The following WDR37 variants were observed in gnomAD, a reference collection of about 807,000 sequenced individuals.
WDR37 encodes WD repeat-containing protein 37.
A neutral mutation model predicts 62.9 loss-of-function variants in WDR37; 19 were observed. The ratio of observed to expected loss-of-function variants is 0.30; its 90% confidence interval spans 0.21 to 0.44. WDR37 has a LOEUF of 0.44. Among genes scored for constraint, WDR37 ranks in the 20% least tolerant of loss-of-function variants. The pLI, the probability that WDR37 is intolerant of heterozygous loss-of-function variation, is 1.00. For synonymous variants in WDR37, 250 were observed against 260.9 expected, an observed-to-expected ratio of 0.96 and a Z score of 0.40; for missense variants, 474 against 657.6, an observed-to-expected ratio of 0.72 and a Z score of 3.05.
intron 1 of WDR37, among the ~76,000 whole-genome samples, chr10:1,067,469 T>C (rs759179609): frequency 6.6e-6 from 1 of 152,190 alleles, no homozygotes; most frequent in Non-Finnish European, 1.5e-5. Flanking sequence ...TGAAAAACTC[T>C]TAGAATGAAG....
chr10:1,079,337 G>A (rs566168912), intron 3 of WDR37, among the ~76,000 whole-genome samples: 8 of 151,362 alleles, frequency 5.3e-5, no homozygotes, highest in Non-Finnish European at 1.0e-4. Flanking sequence ...TGCCTGCCTC[G>A]GCCTCCAAAA....
At chr10:1,110,745 GA>G (rs1835189109) in intron 11 of WDR37, among the ~76,000 whole-genome samples, 1 of 152,228 alleles carries the variant, frequency 6.6e-6, no homozygotes, top group Non-Finnish European at 1.5e-5. Flanking sequence ...CATTCTGAGG[GA>G]CCCTCTGCGC....
chr10:1,064,910 T>C (rs1224904807), intron 1 of WDR37, among the ~76,000 whole-genome samples: 1 of 152,096 alleles, frequency 6.6e-6, no homozygotes, highest in Non-Finnish European at 1.5e-5. Context: ...GTGGATCTTA[T>C]CAGAAATTGT....
chr10:1,082,147 A>G (rs998495047), intron 5 of WDR37, among the ~76,000 whole-genome samples: 6 of 152,236 alleles, frequency 3.9e-5, no homozygotes, highest in Admixed American at 3.3e-4. Flanking sequence ...ATTTGGTAAC[A>G]GAATATATTC....
intron 4 of WDR37, 140 bp from the exon 5 acceptor site, chr10:1,080,272 C>G: frequency 7.9e-7 from 1 of 1,263,898 alleles, no homozygotes; most frequent in Non-Finnish European, 1.1e-6. Flanking sequence ...TGTTCCTGTT[C>G]TGCCATGGCT....
In WDR37 at chr10:1,129,508, G is replaced by A. The variant is rs1312924616; in HGVS notation, c.*164G>A. On this transcript the variant is annotated 3_prime_UTR_variant, in exon 14 of 14. Transcript: ENST00000263150. Reference sequence around the variant, plus strand: ...GCCCAGCTTGCATGAAATGTACAGAGAAATGTGTGGTCGTATTTTTTACTT... The same window carrying A: ...GCCCAGCTTGCATGAAATGTACAGAAAAATGTGTGGTCGTATTTTTTACTT... 4 of 1,088,564 alleles carry A rather than the reference G, an allele frequency of 3.7e-6. No individual in the cohort carries two copies. Among genetic ancestry groups the A allele is most frequent in the South Asian group, 1.7e-5 (1 of 58,294 alleles). 67.4% of individuals were successfully genotyped at this position (1,088,564 alleles called of 1,614,324 possible). A position where few individuals can be genotyped will look rare whatever the true frequency, so the allele number is the denominator to read the frequency against.
chr10:1,069,391 T>TATATATATATATATATATATATA (rs200599689), intron 1 of WDR37, among the ~76,000 whole-genome samples: 12 of 45,944 alleles, frequency 2.6e-4, no homozygotes, highest in Non-Finnish European at 3.7e-4. Flanking sequence ...ATATATATAT[T>TATATATATATATATATATATATA]TTTTTTTTTT....
At chr10:1,072,383 TC>T (rs1466145333) in intron 2 of WDR37, 90 bp downstream of exon 2, 1 of 1,523,708 alleles carries the variant, frequency 6.6e-7, no homozygotes, top group Non-Finnish European at 8.9e-7. Context: ...GATGGTGCGA[TC>T]TCCGCTCACA....
At chr10:1,069,752 A>G (rs1351147636) in intron 1 of WDR37, among the ~76,000 whole-genome samples, 1 of 152,076 alleles carries the variant, frequency 6.6e-6, no homozygotes, top group African/African-American at 2.4e-5. Context: ...TATATATGTA[A>G]CAGAATGACA....
At position 1,085,678 on chromosome 10, in the gene WDR37, TCTTG is replaced by T. The variant is rs1176227169; in HGVS notation, c.533-604_533-601del. 3.7e-4 allele frequency among the ~76,000 whole-genome samples: 57 copies of T among 152,354 alleles called. 1 individual carries two copies. ...AAACCATTTGAATAGCGAAGAAAGT[TCTTG>T]CTTCTCCTTTGAAACTGTTTTCATG... On this transcript the variant is annotated intron_variant, in intron 6 of 13. Coordinates refer to ENST00000263150, the MANE Select transcript of WDR37 (RefSeq NM_014023.4).
At chr10:1,084,379 C>T (rs539877231) in intron 5 of WDR37, 24 bp from the exon 6 acceptor site, 23 of 1,597,362 alleles carry the variant, frequency 1.4e-5, no homozygotes, top group Non-Finnish European at 1.9e-5. Flanking sequence ...AATTGTTTCA[C>T]AAGACTCCCC....
At chr10:1,120,749 G>C (rs1321907766) in intron 11 of WDR37, among the ~76,000 whole-genome samples, 1 of 152,210 alleles carries the variant, frequency 6.6e-6, no homozygotes, top group African/African-American at 2.4e-5. Context: ...TGTCGTGCCG[G>C]AAAAGCACTC....
chr10:1,087,066 T>C (rs1211306096), intron 7 of WDR37, among the ~76,000 whole-genome samples: 2 of 152,250 alleles, frequency 1.3e-5, no homozygotes, highest in African/African-American at 4.8e-5. Flanking sequence ...TGTCTGCCCG[T>C]CCACAGGGCC....
chr10:1,087,322 G>A (rs561206451), intron 7 of WDR37, among the ~76,000 whole-genome samples: 2 of 152,228 alleles, frequency 1.3e-5, no homozygotes, highest in Admixed American at 6.5e-5. Flanking sequence ...AGTGCCTGGC[G>A]TGTGTGTGAT....
Position 1,098,434 on chromosome 10 carries a change from TCTC to T in WDR37, c.726+2191_726+2193del, listed in dbSNP as rs535565784. The stretch of plus-strand genomic sequence containing the variant: ...CCTCCACCTCCCGGGTTCAAGGGAT[TCTC>T]CTGCCTCAGCCTCCCGAGTAGCTGG... On this transcript the variant is annotated intron_variant, in intron 9 of 13. Transcript: ENST00000263150. 1.6e-4 allele frequency among the ~76,000 whole-genome samples: 25 copies of T among 151,676 alleles called. No individual in the cohort carries two copies. In the South Asian group the frequency reaches 5.0e-3, roughly 30 times the overall value.
At chr10:1,066,845 A>G (rs576581421) in intron 1 of WDR37, among the ~76,000 whole-genome samples, 2 of 152,342 alleles carry the variant, frequency 1.3e-5, no homozygotes. Flanking sequence ...CAGAAGGCAA[A>G]GAGGAGCGAG....
At chr10:1,111,952 A>G (rs1835230265) in intron 11 of WDR37, among the ~76,000 whole-genome samples, 1 of 149,820 alleles carries the variant, frequency 6.7e-6, no homozygotes, top group African/African-American at 2.5e-5. Flanking sequence ...CCCAGGCTGG[A>G]GTGCAGTGGT....
chr10:1,125,010 C>T lies in WDR37; in HGVS notation c.1339C>T (p.Arg447Trp), dbSNP rs1349102581. ...AGGAGTGCGCCTGGCGCGGCTTCCC[C>T]GGAGCAGCCGACAGGTAACAGCACG... ...MSGVRLARLP[R>W]SSRQGHRRMV... Residue 447 changes from arginine (R) to tryptophan (W), a missense_variant, in exon 13 of 14, where the codon CGG (arginine) becomes TGG (tryptophan). Arg to Trp is a moderately radical substitution (Grantham distance 101). Coordinates refer to ENST00000263150, the MANE Select transcript of WDR37 (RefSeq NM_014023.4). 3.1e-6 allele frequency: 5 copies of T among 1,614,056 alleles called. No individual in the cohort carries two copies. Among genetic ancestry groups the T allele is most frequent in the Non-Finnish European group, 2.5e-6 (3 of 1,180,032 alleles).
Position 1,127,376 on chromosome 10 carries a change from G to A in WDR37, c.1354-1837G>A, listed in dbSNP as rs146908771. 7.5e-4 allele frequency among the ~76,000 whole-genome samples: 114 copies of A among 152,322 alleles called. 1 individual carries two copies. The East Asian group carries it at 0.021, about 28-fold the overall frequency. On this transcript the variant is annotated intron_variant, in intron 13 of 13. Coordinates refer to ENST00000263150, the MANE Select transcript of WDR37 (RefSeq NM_014023.4). ...AGATTTATTTTTAAGATTAATGAAT[G>A]TGATTTAACTTTATTTAGAACTTGT...
Sources: gnomAD v4.1 joint callset for allele counts (sites outside exome capture counted in the v4.1 genomes callset) on GRCh38, gnomAD v4.1.1 for gene constraint, MANE v1.5 for transcripts, NCBI Gene and HGNC (gene_info 2026-07-23, HGNC 2026-07-21) for gene names.